Variants in ZAN observed in about 807,000 individuals in gnomAD.
ZAN encodes zonadhesin (gene/pseudogene).
A neutral mutation model predicts 286.2 loss-of-function variants in ZAN; 260 were observed. The ratio of observed to expected loss-of-function variants is 0.91; its 90% CI spans 0.82 to 1.01. The LOEUF is 1.01. ZAN is among the 50% of genes least tolerant of loss of function. The pLI, the probability that ZAN is intolerant of heterozygous loss-of-function variation, is 0.00. For missense variants in ZAN, 3,410 were observed against 3,639.2 expected (o/e 0.94, Z 1.62); for synonymous variants, 1,368 against 1,417.5 (o/e 0.97, Z 0.79).
At position 100,797,367 on chromosome 7, in the gene ZAN, A is replaced by G; in HGVS notation, c.8268A>G (p.Ala2756=). Residue 2756 remains alanine, a splice_region_variant and synonymous_variant, in exon 46 of 48, where the codon GCA becomes GCG. Coordinates refer to ENST00000613979, the MANE Select transcript of ZAN (RefSeq NM_003386.3). ...ATGTCTCTTCCCCGCACCCAGAAGCATCTAACCTGGTGGGCGTCCTACTGG... is the reference window on the plus strand; with the variant it reads ...ATGTCTCTTCCCCGCACCCAGAAGCGTCTAACCTGGTGGGCGTCCTACTGG... ...PRDAPPPRKP[A]SNLVGVLLGL... is the part of the protein sequence containing the mutation. 1 of 1,613,716 alleles carries G rather than the reference A, an allele frequency of 6.2e-7. No individual in the cohort carries two copies. Among genetic ancestry groups the G allele is most frequent in the Non-Finnish European group, 8.5e-7 (1 of 1,179,738 alleles).
chr7:100,776,157 T>TA (rs952618642), intron 33 of ZAN, among the ~76,000 whole-genome samples: 294 of 146,588 alleles, frequency 2.0e-3, no homozygotes, highest in African/African-American at 7.0e-3. Flanking sequence ...CTATTAAAAA[T>TA]AAAAAAAAAA....
At position 100,779,678 on chromosome 7, in the gene ZAN, C is replaced by A; in HGVS notation, c.6550C>A (p.Leu2184Met). The A allele has an allele frequency of 6.4e-7, 1 of 1,568,020 alleles. No individual in the cohort carries two copies. Among genetic ancestry groups the A allele is most frequent in the Non-Finnish European group, 8.6e-7 (1 of 1,156,790 alleles). Reference sequence around the variant, plus strand: ...TCTCTACCAGGCCCTCTGCCAGGCTCTGCAAGCCTTCGGGGCCACCTGCCA... The same window carrying A: ...TCTCTACCAGGCCCTCTGCCAGGCTATGCAAGCCTTCGGGGCCACCTGCCA... ...GGLYQALCQALQAFGATCQSQ... is the reference protein window; with the variant it reads ...GGLYQALCQAMQAFGATCQSQ... The change falls in exon 35 of 48, where the codon CTG (leucine) becomes ATG (methionine). Residue 2184 changes from leucine (L) to methionine (M), a missense_variant. Leu to Met is a conservative substitution (Grantham distance 15, BLOSUM62 2). This residue lies in a region of ZAN where 1,289 missense variants were observed against 1,314.3 expected (regional missense o/e 0.98). Transcript: ENST00000613979.
Position 100,791,968 on chromosome 7 carries a change from C to T in ZAN, c.7532C>T (p.Ala2511Val), listed in dbSNP as rs76325149. ...CCCCGTGGCTGTCTCTACTGCAGGG[C>T]TATACCAGCGGAGGAGGAGGGACAA... ...TEDALLRFPR[A>V]IPAEEEGQGA... Residue 2511 changes from alanine to valine, a missense_variant and splice_region_variant, in exon 41 of 48, where the codon GCT becomes GTT. By Grantham distance (64) the Ala-to-Val change is moderately conservative (BLOSUM62 0). This residue lies in a region of ZAN where 1,289 missense variants were observed against 1,314.3 expected (regional missense o/e 0.98). Coordinates refer to ENST00000613979, the MANE Select transcript of ZAN (RefSeq NM_003386.3). The T allele has an allele frequency of 0.066, 107,036 of 1,611,280 alleles. 4,286 individuals carry two copies. Among genetic ancestry groups the T allele is most frequent in the Middle Eastern group, 0.16 (909 of 5,850 alleles).
chr7:100,774,239 A>G (rs954121127), intron 31 of ZAN, among the ~76,000 whole-genome samples: 1 of 152,108 alleles, frequency 6.6e-6, no homozygotes, highest in Non-Finnish European at 1.5e-5. Flanking sequence ...AAATACAAAA[A>G]TTAGCCTATA....
intron 35 of ZAN, among the ~76,000 whole-genome samples, chr7:100,780,580 G>A (rs1367004215): frequency 1.3e-5 from 2 of 151,768 alleles, no homozygotes; most frequent in East Asian, 3.9e-4. Flanking sequence ...GGGGTGAGGT[G>A]GGAGGATCAC....
chr7:100,767,590 C>T (rs1242271572), intron 25 of ZAN, among the ~76,000 whole-genome samples: 3 of 151,212 alleles, frequency 2.0e-5, no homozygotes, highest in Non-Finnish European at 4.4e-5. Context: ...ATCCTCCCAC[C>T]TCGGCCTCCT....
At chr7:100,782,622 T>G (rs1811264556) in intron 35 of ZAN, among the ~76,000 whole-genome samples, 1 of 152,042 alleles carries the variant, frequency 6.6e-6, no homozygotes. Context: ...TGAGCCACCG[T>G]GTCCGGCCTG....
chr7:100,766,104 A>T (rs543313791), intron 23 of ZAN, among the ~76,000 whole-genome samples: 1 of 152,166 alleles, frequency 6.6e-6, no homozygotes, highest in Admixed American at 6.5e-5. Flanking sequence ...CTCCCGCCTA[A>T]GCCTCCCAAG....
chr7:100,776,593 TTCTTTCTTTTTCTTTCTTTG>T, intron 34 of ZAN, 29 bp downstream of exon 34: 1 of 1,469,026 alleles, frequency 6.8e-7, no homozygotes, highest in Non-Finnish European at 9.1e-7. Context: ...CCTCTAGGTT[TTCTTTCTTTTTCTTTCTTTG>T]TCTTTCTTTC....
rs747912878 is a variant in ZAN, at chr7:100,753,162, A to C, written c.3057A>C (p.Pro1019=). 87 of 1,613,744 alleles carry C rather than the reference A, an allele frequency of 5.4e-5. 6 individuals are homozygous for C. In the South Asian group the frequency reaches 9.4e-4, roughly 18 times the overall value. Residue 1019 remains proline, a synonymous_variant, in exon 14 of 48, where the codon CCA becomes CCC. Coordinates refer to ENST00000613979, the MANE Select transcript of ZAN (RefSeq NM_003386.3). The stretch of plus-strand genomic sequence containing the variant: ...GGCTGGCAGCCTTGGTGATGTCTCC[A>C]CATGCTCCAAGTACCCCTATGACCA... ...ATGLAALVMS[P]HAPSTPMTSV... is the part of the protein sequence containing the mutation.
Position 100,792,435 on chromosome 7 carries a change from G to A in ZAN, c.7743G>A (p.Gln2581=). Residue 2581 remains glutamine, a synonymous_variant, in exon 42 of 48, where the codon CAG becomes CAA. Transcript: ENST00000613979. The part of the protein sequence containing the change: ...EHCVLDLCSA[Q]DPREQEELRC... ...GCGTGCTGGATCTGTGCTCTGCTCAGGACCCAAGAGAGCAAGAGGAGCTGC... is the reference window on the plus strand; with the variant it reads ...GCGTGCTGGATCTGTGCTCTGCTCAAGACCCAAGAGAGCAAGAGGAGCTGC... 6.2e-7 allele frequency: 1 copy of A among 1,613,814 alleles called. No individual in the cohort carries two copies. Among genetic ancestry groups the A allele is most frequent in the Non-Finnish European group, 8.5e-7 (1 of 1,179,818 alleles).
At position 100,738,449 on chromosome 7, in the gene ZAN, C is replaced by A; in HGVS notation, c.614-12C>A. ...GAAAACATTATATCTTCCCTTCTTT[C>A]TTTCCTCTCAGTCTGTATGATGCAA... On this transcript the variant is annotated splice_polypyrimidine_tract_variant and intron_variant, in intron 6 of 47. Transcript: ENST00000613979. The A allele has an allele frequency of 6.9e-7, 1 of 1,458,952 alleles. No individual in the cohort carries two copies. The highest frequency in any genetic ancestry group is 9.3e-7 in the Non-Finnish European group (1 of 1,072,940). The allele number at this position is 1,458,952 out of a possible 1,614,324, so 90.4% of individuals were successfully genotyped here. A position where few individuals can be genotyped will look rare whatever the true frequency, so the allele number is the denominator to read the frequency against.
rs535905400 is a variant in ZAN at position 100,754,285 on chromosome 7, C to T, written c.3125-941C>T. On this transcript the variant is annotated intron_variant, in intron 14 of 47. Transcript: ENST00000613979. ...CATCCTGGCTAACACAGTGAAACCC[C>T]GTCTCTACTGAAAATACAAAAAAAT... Among the ~76,000 whole-genome samples, 31 of 151,906 alleles carry T rather than the reference C, an allele frequency of 2.0e-4. 2 individuals are homozygous for T. Among genetic ancestry groups the T allele is most frequent in the African/African-American group, 6.8e-4 (28 of 41,472 alleles).
chr7:100,767,174 A>G lies in ZAN; in HGVS notation c.4777A>G (p.Ile1593Val), dbSNP rs373079892. 1,597 of 1,612,952 alleles carry G rather than the reference A, an allele frequency of 9.9e-4. 35 individuals carry two copies. The South Asian group carries it at 0.017, about 17-fold the overall frequency. Reference protein sequence around the residue: ...VSATNENRGGILEVSYIKAVH... With the variant: ...VSATNENRGGVLEVSYIKAVH... ...CGCCACCAACGAGAACCGCGGGGGGATCCTGGAGGTCTCCTACATCAAAGC... is the reference window on the plus strand; with the variant it reads ...CGCCACCAACGAGAACCGCGGGGGGGTCCTGGAGGTCTCCTACATCAAAGC... Residue 1593 changes from isoleucine (I) to valine (V), a missense_variant, in exon 25 of 48, where the codon ATC becomes GTC. Ile to Val is a conservative substitution (Grantham distance 29). Coordinates refer to ENST00000613979, the MANE Select transcript of ZAN (RefSeq NM_003386.3).
intron 3 of ZAN, among the ~76,000 whole-genome samples, chr7:100,736,173 T>G (rs1807277408): frequency 7.0e-6 from 1 of 142,014 alleles, no homozygotes. Flanking sequence ...ACGAGCAATT[T>G]CTGCTCTGGA....
In ZAN at chr7:100,776,505, A is replaced by C. The variant is rs1480170868; in HGVS notation, c.6258A>C (p.Glu2086Asp). Reference protein sequence around the residue: ...EEDELMMPSDEVANSDSEFVN... With the variant: ...EEDELMMPSDDVANSDSEFVN... ...ACGAACTAATGATGCCCAGCGATGAAGTAGCAAATAGTGACAGTGAATTTG... is the reference window on the plus strand; with the variant it reads ...ACGAACTAATGATGCCCAGCGATGACGTAGCAAATAGTGACAGTGAATTTG... The change falls in exon 34 of 48, where the codon GAA becomes GAC. Residue 2086 changes from glutamate to aspartate, a missense_variant. Glu to Asp is a conservative substitution (Grantham distance 45). Around this residue, in one of 7 missense-constraint regions of ZAN, gnomAD observed 1,289 missense variants for 1,314.3 expected, o/e 0.98. Coordinates refer to ENST00000613979, the MANE Select transcript of ZAN (RefSeq NM_003386.3). The C allele has an allele frequency of 6.3e-7, 1 of 1,584,792 alleles. No individual in the cohort carries two copies. Among genetic ancestry groups the C allele is most frequent in the Non-Finnish European group, 8.6e-7 (1 of 1,164,914 alleles).
chr7:100,749,366 C>T (rs930613042), intron 11 of ZAN, among the ~76,000 whole-genome samples: 11 of 151,582 alleles, frequency 7.3e-5, no homozygotes, highest in East Asian at 3.9e-4. Context: ...AGAGGCTGGG[C>T]GCAGTGGCTC....
Position 100,773,427 on chromosome 7 carries a change from G to C in ZAN, c.5568G>C (p.Leu1856Phe). ...GTGAATGTCAGAAAGGCCACATCTT[G>C]AGTGGAACCTCCTGCGTGCCCCTTG... ...ESCECQKGHI[L>F]SGTSCVPLGQ... Residue 1856 changes from leucine to phenylalanine, a missense_variant, in exon 30 of 48, where the codon TTG becomes TTC. Leu to Phe is a conservative substitution (Grantham distance 22). Transcript: ENST00000613979. 6.2e-7 allele frequency: 1 copy of C among 1,614,010 alleles called. No homozygotes were observed. Among genetic ancestry groups the C allele is most frequent in the Non-Finnish European group, 8.5e-7 (1 of 1,179,900 alleles).
intron 31 of ZAN, 139 bp downstream of exon 31, chr7:100,774,004 G>T (rs1316261100): frequency 1.5e-6 from 2 of 1,301,794 alleles, no homozygotes; most frequent in Admixed American, 2.7e-5. Flanking sequence ...GCTTCTGGTG[G>T]GTAAGATGAC....
Sources: allele counts gnomAD v4.1 joint callset (sites outside exome capture counted in the v4.1 genomes callset), GRCh38; gene constraint gnomAD v4.1.1; regional missense constraint gnomAD v4.1.1; transcripts MANE v1.5; gene names NCBI Gene and HGNC (gene_info 2026-07-23, HGNC 2026-07-21).